DPF3: variants seen among roughly 807,000 people sequenced by gnomAD.
DPF3 encodes the protein double PHD fingers 3.
In DPF3, 18 loss-of-function variants were observed where a neutral mutation model predicts 56.8. That is an observed-to-expected ratio of 0.32 (90% confidence interval 0.22 to 0.47). The LOEUF (loss-of-function observed/expected upper bound fraction) is 0.47. Ranked by LOEUF, DPF3 falls within the 20% of genes least tolerant of loss-of-function variation. The pLI is 1.00. For synonymous variants in DPF3, 188 were observed against 180.2 expected (o/e 1.04, Z -0.35); for missense variants, 403 against 488.8 (o/e 0.82, Z 1.65).
chr14:72,767,077 CCT>C (rs1328958690), intron 2 of DPF3, among the ~76,000 whole-genome samples: 1 of 152,206 alleles, frequency 6.6e-6, no homozygotes, highest in Non-Finnish European at 1.5e-5. Flanking sequence ...GTGTTCTTCC[CCT>C]GTTAAAGAGG....
intron 7 of DPF3, among the ~76,000 whole-genome samples, chr14:72,688,705 G>T (rs544606735): frequency 6.6e-6 from 1 of 152,094 alleles, no homozygotes; most frequent in African/African-American, 2.4e-5. Flanking sequence ...TCTATGTGTA[G>T]GTGTATGTGT....
At chr14:72,816,940 T>C (rs1883313686) in intron 1 of DPF3, among the ~76,000 whole-genome samples, 1 of 152,210 alleles carries the variant, frequency 6.6e-6, no homozygotes, top group African/African-American at 2.4e-5. Flanking sequence ...GGCAATTCTC[T>C]ACTCCACCCA....
chr14:72,768,522 G>T (rs1019124960), intron 2 of DPF3, among the ~76,000 whole-genome samples: 2 of 152,180 alleles, frequency 1.3e-5, no homozygotes, highest in South Asian at 4.1e-4. Context: ...TTTTGATATT[G>T]TAAGATGTAT....
At chr14:72,731,715 G>C in intron 4 of DPF3, 92 bp downstream of exon 4, 4 of 1,547,922 alleles carry the variant, frequency 2.6e-6, no homozygotes, top group Non-Finnish European at 3.5e-6. Flanking sequence ...CGGCCCTTGA[G>C]GGGAGGATCT....
chr14:72,640,762 T>C (rs185465520), intron 8 of DPF3, among the ~76,000 whole-genome samples: 1 of 152,266 alleles, frequency 6.6e-6, no homozygotes, highest in East Asian at 1.9e-4. Context: ...ATTGTGCAGA[T>C]GAAGATGCCC....
chr14:72,671,002 G>A (rs896035479), intron 8 of DPF3: 5 of 1,455,668 alleles, frequency 3.4e-6, no homozygotes, highest in Non-Finnish European at 3.6e-6. Flanking sequence ...CACGTGGGAG[G>A]TGAAGGGAAA....
chr14:72,881,113 C>A (rs545845235), intron 1 of DPF3, among the ~76,000 whole-genome samples: 1 of 152,352 alleles, frequency 6.6e-6, no homozygotes, highest in South Asian at 2.1e-4. Flanking sequence ...AAGCCATCAT[C>A]CTCCTGCAGC....
intron 3 of DPF3, among the ~76,000 whole-genome samples, chr14:72,745,618 T>C (rs1890294064): frequency 6.6e-6 from 1 of 152,078 alleles, no homozygotes; most frequent in Admixed American, 6.6e-5. Flanking sequence ...CGTTGCAATG[T>C]GTAAAAAAGA....
At chr14:72,744,365 C>T (rs567917102) in intron 3 of DPF3, among the ~76,000 whole-genome samples, 22 of 152,186 alleles carry the variant, frequency 1.4e-4, no homozygotes, top group East Asian at 9.7e-4. Flanking sequence ...CACAACCTCG[C>T]GGACTTCATT....
In DPF3 at chr14:72,879,379, C is replaced by CA. The variant is rs777339050; in HGVS notation, c.32+14677dup. On this transcript the variant is annotated intron_variant, in intron 1 of 10. Coordinates refer to ENST00000556509, the MANE Select transcript of DPF3 (RefSeq NM_001280542.3). The stretch of plus-strand genomic sequence containing the variant: ...GTGAGACAGAGAGAGATTCCATCTC[C>CA]AAAAAAAAAAAAAAAAGAAAAGAAA... Among the ~76,000 whole-genome samples the CA allele has an allele frequency of 6.4e-3, 736 of 114,302 alleles. 6 individuals are homozygous for CA. Among genetic ancestry groups the CA allele is most frequent in the African/African-American group, 0.019 (622 of 33,262 alleles). The allele number at this position is 114,302 out of a possible 152,430, so 75.0% of individuals were successfully genotyped here.
intron 1 of DPF3, among the ~76,000 whole-genome samples, chr14:72,798,009 C>T (rs1317097481): frequency 6.6e-6 from 1 of 152,024 alleles, no homozygotes; most frequent in Non-Finnish European, 1.5e-5. Flanking sequence ...AATCCCAGCA[C>T]TTTGGGAGTC....
intron 1 of DPF3, among the ~76,000 whole-genome samples, chr14:72,784,609 G>T (rs1164855713): frequency 6.6e-6 from 1 of 152,052 alleles, no homozygotes; most frequent in Non-Finnish European, 1.5e-5. Context: ...ACCTCATCAA[G>T]AGTCATTTAT....
In DPF3 at chr14:72,771,817, C is replaced by T. The variant is rs199742673; in HGVS notation, c.109G>A (p.Val37Met). The T allele has an allele frequency of 4.5e-4, 731 of 1,613,688 alleles. No homozygotes were observed. Among genetic ancestry groups the T allele is most frequent in the Non-Finnish European group, 5.9e-4 (701 of 1,179,838 alleles). ...YNSRLCAERSVRLPFLDSQTG... is the reference protein window; with the variant it reads ...YNSRLCAERSMRLPFLDSQTG... Reference sequence around the variant, plus strand: ...TGTGAGTCCAGGAAGGGAAGACGCACGCTGCGCTCTGCACACAGCCGTGAG... The same window carrying T: ...TGTGAGTCCAGGAAGGGAAGACGCATGCTGCGCTCTGCACACAGCCGTGAG... Residue 37 changes from valine (V) to methionine (M), a missense_variant, in exon 2 of 11, where the codon GTG (valine) becomes ATG (methionine). Physicochemically the swap from Val to Met is conservative, Grantham distance 21. Coordinates refer to ENST00000556509, the MANE Select transcript of DPF3 (RefSeq NM_001280542.3).
intron 1 of DPF3, among the ~76,000 whole-genome samples, chr14:72,890,704 C>A (rs1049001705): frequency 6.6e-6 from 1 of 152,016 alleles, no homozygotes; most frequent in Non-Finnish European, 1.5e-5. Context: ...AATGTAGCTG[C>A]TAAATTAAAT....
chr14:72,833,135 G>C (rs1197336239), intron 1 of DPF3, among the ~76,000 whole-genome samples: 1 of 152,198 alleles, frequency 6.6e-6, no homozygotes, highest in Non-Finnish European at 1.5e-5. Flanking sequence ...TCAAAGCTAG[G>C]AAGACTATCG....
chr14:72,844,623 C>A (rs1018242106), intron 1 of DPF3, among the ~76,000 whole-genome samples: 1 of 128,068 alleles, frequency 7.8e-6, no homozygotes, highest in Non-Finnish European at 1.8e-5. Context: ...CACACACACT[C>A]ACGCACAAAC....
At position 72,654,994 on chromosome 14, in the gene DPF3, G is replaced by T. The variant is rs192315057; in HGVS notation, c.871+19246C>A. Among the ~76,000 whole-genome samples, 564 of 152,218 alleles carry T rather than the reference G, an allele frequency of 3.7e-3. 2 individuals are homozygous for T. The highest frequency in any genetic ancestry group is 0.013 in the African/African-American group (551 of 41,532). On this transcript the variant is annotated intron_variant, in intron 8 of 10. Coordinates refer to ENST00000556509, the MANE Select transcript of DPF3 (RefSeq NM_001280542.3). ...AAAGAAGTTTTCAGGATTACAAACTGCCAGTCTCTCTGTACTCATCACTCA... is the reference window on the plus strand; with the variant it reads ...AAAGAAGTTTTCAGGATTACAAACTTCCAGTCTCTCTGTACTCATCACTCA...
chr14:72,849,189 C>CAA (rs1555512896), intron 1 of DPF3, among the ~76,000 whole-genome samples: 1 of 152,208 alleles, frequency 6.6e-6, no homozygotes, highest in Non-Finnish European at 1.5e-5. Flanking sequence ...CCAATATTCC[C>CAA]CACTATGGTT....
chr14:72,830,616 G>C (rs1884012568), intron 1 of DPF3, among the ~76,000 whole-genome samples: 1 of 152,238 alleles, frequency 6.6e-6, no homozygotes, highest in Non-Finnish European at 1.5e-5. Context: ...TAGATGTGAC[G>C]CACTTAGCAT....
Sources: gnomAD v4.1 joint callset for allele counts (sites outside exome capture counted in the v4.1 genomes callset) on GRCh38, gnomAD v4.1.1 for gene constraint, MANE v1.5 for transcripts, NCBI Gene and HGNC (gene_info 2026-07-23, HGNC 2026-07-21) for gene names.